The following NPAS3 variants were observed in gnomAD, a reference collection of about 807,000 sequenced individuals.
NPAS3 encodes the protein neuronal PAS domain protein 3, also known as neuronal PAS domain-containing protein 3.
In NPAS3, 14 loss-of-function variants were observed where a neutral mutation model predicts 73.1. The observed-to-expected ratio is 0.19, with a 90% CI of 0.13 to 0.30. NPAS3 has a LOEUF of 0.30. Ranked by LOEUF, NPAS3 falls within the 10% of genes least tolerant of loss-of-function variation. The pLI is 1.00. For missense variants in NPAS3, 1,096 were observed against 1,250.0 expected (o/e 0.88, Z 1.86); for synonymous variants, 620 against 541.5 (o/e 1.14, Z -2.01).
intron 2 of NPAS3, among the ~76,000 whole-genome samples, chr14:33,186,691 T>G (rs919081024): frequency 1.3e-5 from 2 of 152,238 alleles, no homozygotes; most frequent in African/African-American, 4.8e-5. Context: ...GTATCCTTGC[T>G]ACTGTTCACT....
At chr14:33,393,996 G>C (rs1030868193) in intron 4 of NPAS3, among the ~76,000 whole-genome samples, 1 of 152,104 alleles carries the variant, frequency 6.6e-6, no homozygotes, top group Non-Finnish European at 1.5e-5. Context: ...TGGAACTCTC[G>C]CTTGATTATT....
intron 2 of NPAS3, among the ~76,000 whole-genome samples, chr14:33,200,871 A>G (rs1229580458): frequency 1.3e-5 from 2 of 152,190 alleles, no homozygotes; most frequent in East Asian, 3.9e-4. Context: ...TCCACTAATC[A>G]TCATGCTTGC....
At chr14:33,054,580 T>A (rs1202259561) in intron 1 of NPAS3, among the ~76,000 whole-genome samples, 1 of 151,258 alleles carries the variant, frequency 6.6e-6, no homozygotes, top group South Asian at 2.1e-4. Flanking sequence ...ACTTAAAAAA[T>A]TAGAAACATA....
intron 1 of NPAS3, among the ~76,000 whole-genome samples, chr14:32,953,732 C>T (rs767160810): frequency 2.0e-5 from 3 of 152,086 alleles, no homozygotes; most frequent in Non-Finnish European, 2.9e-5. Flanking sequence ...TATCTGAGCC[C>T]CAGTTCCCAC....
intron 9 of NPAS3, among the ~76,000 whole-genome samples, chr14:33,789,071 GTA>G: frequency 6.6e-6 from 1 of 152,272 alleles, no homozygotes; most frequent in East Asian, 1.9e-4. Flanking sequence ...TGATTGAACT[GTA>G]TTTGCAGCTT....
At chr14:33,480,447 T>C (rs560233549) in intron 4 of NPAS3, among the ~76,000 whole-genome samples, 1 of 152,232 alleles carries the variant, frequency 6.6e-6, no homozygotes, top group South Asian at 2.1e-4. Context: ...TTCTGTTCCA[T>C]AGAATTCCTG....
chr14:33,125,424 A>G (rs2043391459), intron 2 of NPAS3, among the ~76,000 whole-genome samples: 2 of 151,318 alleles, frequency 1.3e-5, no homozygotes, highest in South Asian at 4.2e-4. Flanking sequence ...AAAATTATGG[A>G]ACAAAAAATG....
intron 1 of NPAS3, among the ~76,000 whole-genome samples, chr14:33,019,952 T>C (rs563163005): frequency 6.6e-6 from 1 of 152,340 alleles, no homozygotes; most frequent in South Asian, 2.1e-4. Context: ...TATGAGTCTC[T>C]TTTCCATCCG....
intron 3 of NPAS3, among the ~76,000 whole-genome samples, chr14:33,326,570 A>G (rs563265305): frequency 1.3e-5 from 2 of 152,338 alleles, no homozygotes; most frequent in South Asian, 4.1e-4. Context: ...GGATTATTAT[A>G]TGCAGAAACA....
intron 3 of NPAS3, among the ~76,000 whole-genome samples, chr14:33,219,940 T>C (rs188219014): frequency 1.3e-5 from 2 of 152,204 alleles, no homozygotes; most frequent in Non-Finnish European, 2.9e-5. Context: ...GGCATTTTCC[T>C]GTGTGCTGAC....
At chr14:33,444,943 G>A (rs115907717) in intron 4 of NPAS3, among the ~76,000 whole-genome samples, 334 of 152,250 alleles carry the variant, frequency 2.2e-3, no homozygotes, top group African/African-American at 6.4e-3. Flanking sequence ...ATCTGCTTTC[G>A]GAAATCATCC....
At chr14:33,370,827 A>T (rs918503110) in intron 4 of NPAS3, among the ~76,000 whole-genome samples, 12 of 152,148 alleles carry the variant, frequency 7.9e-5, no homozygotes, top group Non-Finnish European at 1.6e-4. Flanking sequence ...CATCACCACA[A>T]GTTTTCTAGT....
intron 5 of NPAS3, among the ~76,000 whole-genome samples, chr14:33,675,110 T>C (rs1159747872): frequency 6.6e-6 from 1 of 152,038 alleles, no homozygotes; most frequent in Admixed American, 6.6e-5. Context: ...GCAGCTTCCA[T>C]GGTACGTCAT....
Position 33,158,218 on chromosome 14 carries a change from T to C in NPAS3, c.141-56964T>C, listed in dbSNP as rs575031514. Among the ~76,000 whole-genome samples, 12 of 152,286 alleles carry C rather than the reference T, an allele frequency of 7.9e-5. No individual in the cohort carries two copies. In the East Asian group the frequency reaches 2.3e-3, roughly 30 times the overall value. ...GATCTTTGTTAACTCCTTACACTGG[T>C]ATTACTTGGAAACATGTTAGAAAGT... is the stretch of plus-strand genomic sequence containing the variant. On this transcript the variant is annotated intron_variant, in intron 2 of 11. Transcript: ENST00000356141.
rs1391739404 is a variant in NPAS3, at chr14:33,066,068, G to A, written c.140+10074G>A. ...AGAATATATTTTATGTAGTTGTAGG[G>A]GAGATCCTTGTTCACTTCCAGGGGA... On this transcript the variant is annotated intron_variant, in intron 2 of 11. Transcript: ENST00000356141. Among the ~76,000 whole-genome samples, 4 of 152,044 alleles carry A rather than the reference G, an allele frequency of 2.6e-5. No individual in the cohort carries two copies. In the East Asian group the frequency reaches 7.8e-4, roughly 30 times the overall value.
chr14:33,761,948 A>G (rs1006618144), intron 7 of NPAS3, among the ~76,000 whole-genome samples: 3 of 152,182 alleles, frequency 2.0e-5, no homozygotes, highest in Non-Finnish European at 4.4e-5. Flanking sequence ...ATTCATTTTG[A>G]GTTTTACTGC....
intron 1 of NPAS3, among the ~76,000 whole-genome samples, chr14:32,951,880 G>T (rs866265541): frequency 6.6e-6 from 1 of 151,948 alleles, no homozygotes; most frequent in African/African-American, 2.4e-5. Context: ...ACTTGTAAAG[G>T]TGAACTGATT....
intron 4 of NPAS3, among the ~76,000 whole-genome samples, chr14:33,453,179 T>C (rs2049879747): frequency 6.6e-6 from 1 of 152,206 alleles, no homozygotes; most frequent in African/African-American, 2.4e-5. Flanking sequence ...TGAAGAGTGC[T>C]TGATCTCTCC....
intron 2 of NPAS3, among the ~76,000 whole-genome samples, chr14:33,098,010 A>G (rs1302099208): frequency 1.3e-5 from 2 of 152,214 alleles, no homozygotes; most frequent in South Asian, 2.1e-4. Context: ...ACTTTAATAT[A>G]GTGCAATTTA....
Sources: gnomAD v4.1 joint callset for allele counts (sites outside exome capture counted in the v4.1 genomes callset) on GRCh38, gnomAD v4.1.1 for gene constraint, MANE v1.5 for transcripts, NCBI Gene and HGNC (gene_info 2026-07-23, HGNC 2026-07-21) for gene names.